Variants in ROBO1 observed in about 807,000 individuals in gnomAD.
ROBO1 encodes the protein roundabout homolog 1.
Under a neutral mutation model 195.9 loss-of-function variants are expected in ROBO1, and 149 were observed. The ratio of observed to expected loss-of-function variants is 0.76; its 90% CI spans 0.67 to 0.87. The LOEUF is 0.87. Among genes scored for constraint, ROBO1 ranks in the 40% least tolerant of loss-of-function variants. ROBO1 has a pLI of 0.00. For synonymous variants in ROBO1, 816 were observed against 733.2 expected, an observed-to-expected ratio of 1.11 and a Z score of -1.82; for missense variants, 1,933 against 2,068.3, an observed-to-expected ratio of 0.93 and a Z score of 1.27.
intron 2 of ROBO1, among the ~76,000 whole-genome samples, chr3:79,257,755 G>C (rs1335860692): frequency 6.6e-6 from 1 of 152,086 alleles, no homozygotes; most frequent in East Asian, 1.9e-4. Flanking sequence ...AATGATGTTA[G>C]AATAGTGGTT....
intron 2 of ROBO1, among the ~76,000 whole-genome samples, chr3:79,302,637 A>C (rs569559321): frequency 6.6e-6 from 1 of 152,332 alleles, no homozygotes; most frequent in South Asian, 2.1e-4. Flanking sequence ...TTAGACACTA[A>C]AAAATCGTTG....
rs151199304 is a variant in ROBO1 at position 79,728,722 on chromosome 3, G to A, written c.-51+39030C>T. Reference sequence around the variant, plus strand: ...TTTTCAATAGCATAAGCCAGAAAAAGACTTAATTTCAGTCCCTTCAAATTG... The same window carrying A: ...TTTTCAATAGCATAAGCCAGAAAAAAACTTAATTTCAGTCCCTTCAAATTG... On this transcript the variant is annotated intron_variant, in intron 1 of 30. Transcript: ENST00000464233. Among the ~76,000 whole-genome samples, 842 of 152,110 alleles carry A rather than the reference G, an allele frequency of 5.5e-3. 4 individuals are homozygous for A. Among genetic ancestry groups the A allele is most frequent in the Middle Eastern group, 0.018 (5 of 282 alleles).
chr3:79,255,275 G>T (rs1007039781), intron 2 of ROBO1, among the ~76,000 whole-genome samples: 4 of 152,130 alleles, frequency 2.6e-5, no homozygotes, highest in Non-Finnish European at 5.9e-5. Flanking sequence ...AGGATGGCTT[G>T]AGCCCAGGAG....
chr3:78,909,583 T>C (rs146379483), intron 4 of ROBO1, among the ~76,000 whole-genome samples: 87 of 152,018 alleles, frequency 5.7e-4, no homozygotes, highest in African/African-American at 1.9e-3. Context: ...TAATTTGATT[T>C]CCTGGCAACA....
chr3:79,044,615 T>A (rs1490938588), intron 3 of ROBO1, among the ~76,000 whole-genome samples: 1 of 152,176 alleles, frequency 6.6e-6, no homozygotes, highest in Non-Finnish European at 1.5e-5. Flanking sequence ...CTTACATTAT[T>A]GCCTTTTGTT....
At chr3:79,401,805 A>C (rs2037377676) in intron 2 of ROBO1, among the ~76,000 whole-genome samples, 1 of 151,880 alleles carries the variant, frequency 6.6e-6, no homozygotes, top group Non-Finnish European at 1.5e-5. Context: ...ATAAAAATAT[A>C]TTATATAACC....
chr3:79,244,465 T>C (rs1292475681), intron 2 of ROBO1, among the ~76,000 whole-genome samples: 2 of 152,190 alleles, frequency 1.3e-5, no homozygotes, highest in South Asian at 2.1e-4. Flanking sequence ...AAATATTGTC[T>C]TTTGAAAACT....
intron 4 of ROBO1, 52 bp downstream of exon 4, chr3:78,938,549 G>A (rs2039944197): frequency 6.7e-7 from 1 of 1,481,804 alleles, no homozygotes. Context: ...TCAAACAAAT[G>A]ACGCCACTCT....
chr3:78,854,337 A>G (rs1265411532), intron 4 of ROBO1, among the ~76,000 whole-genome samples: 1 of 148,142 alleles, frequency 6.8e-6, no homozygotes, highest in Non-Finnish European at 1.5e-5. Flanking sequence ...ATTTATTACT[A>G]TTATATATAA....
intron 2 of ROBO1, among the ~76,000 whole-genome samples, chr3:79,428,145 C>A (rs1327774167): frequency 1.3e-5 from 2 of 151,930 alleles, no homozygotes; most frequent in Non-Finnish European, 2.9e-5. Context: ...GGCAAAATAT[C>A]TAAATAGCCA....
chr3:79,510,256 A>G (rs1339887203), intron 2 of ROBO1, among the ~76,000 whole-genome samples: 1 of 152,168 alleles, frequency 6.6e-6, no homozygotes, highest in African/African-American at 2.4e-5. Flanking sequence ...TTCTCATGAC[A>G]GTGAGTGAGT....
intron 2 of ROBO1, among the ~76,000 whole-genome samples, chr3:79,257,904 A>G (rs375410815): frequency 6.6e-6 from 1 of 152,112 alleles, no homozygotes; most frequent in Admixed American, 6.5e-5. Flanking sequence ...CAGTATATTC[A>G]GTCCTGTGTC....
At chr3:78,835,222 C>A (rs933072340) in intron 4 of ROBO1, among the ~76,000 whole-genome samples, 1 of 152,094 alleles carries the variant, frequency 6.6e-6, no homozygotes, top group South Asian at 2.1e-4. Flanking sequence ...AATGTCATTA[C>A]AAATTATGTA....
intron 2 of ROBO1, among the ~76,000 whole-genome samples, chr3:79,281,661 T>C (rs1218134061): frequency 6.6e-6 from 1 of 152,182 alleles, no homozygotes; most frequent in Non-Finnish European, 1.5e-5. Context: ...ATATCTTACA[T>C]TGCTGTATAT....
At chr3:79,451,496 T>C (rs79011286) in intron 2 of ROBO1, among the ~76,000 whole-genome samples, 5,227 of 152,198 alleles carry the variant, frequency 0.034, 206 homozygotes, top group African/African-American at 0.098. Flanking sequence ...GGTAAAGTTA[T>C]ATAAAGCACT....
chr3:79,022,446 A>G (rs938796810), intron 3 of ROBO1, among the ~76,000 whole-genome samples: 5 of 152,258 alleles, frequency 3.3e-5, no homozygotes, highest in African/African-American at 1.2e-4. Flanking sequence ...GTACATTCCT[A>G]GAGATGGCTG....
At chr3:79,250,987 G>A (rs1430194170) in intron 2 of ROBO1, among the ~76,000 whole-genome samples, 2 of 152,128 alleles carry the variant, frequency 1.3e-5, no homozygotes, top group Non-Finnish European at 1.5e-5. Context: ...GCTGGAAGGC[G>A]GAGATTGCAG....
chr3:79,399,903 A>G (rs2037298659), intron 2 of ROBO1, among the ~76,000 whole-genome samples: 1 of 152,168 alleles, frequency 6.6e-6, no homozygotes, highest in African/African-American at 2.4e-5. Context: ...TTTTCCAAAC[A>G]TGATCCAAAA....
intron 2 of ROBO1, among the ~76,000 whole-genome samples, chr3:79,290,451 A>C (rs1181104761): frequency 6.6e-6 from 1 of 152,094 alleles, no homozygotes; most frequent in Non-Finnish European, 1.5e-5. Context: ...AATCAACATC[A>C]GGACTGTTTA....
Sources: gnomAD v4.1 joint callset for allele counts (sites outside exome capture counted in the v4.1 genomes callset) on GRCh38, gnomAD v4.1.1 for gene constraint, MANE v1.5 for transcripts, NCBI Gene and HGNC (gene_info 2026-07-23, HGNC 2026-07-21) for gene names.